EEA1: variants seen among roughly 807,000 people sequenced by gnomAD.
EEA1 encodes the protein early endosome antigen 1.
A neutral mutation model predicts 209.2 loss-of-function variants in EEA1; 111 were observed. That is an observed-to-expected ratio of 0.53 (90% CI 0.45 to 0.62). EEA1 has a LOEUF of 0.62. Among genes scored for constraint, EEA1 ranks in the 20% least tolerant of loss-of-function variants. EEA1 has a pLI of 0.00. For synonymous variants in EEA1, 536 were observed against 540.6 expected (o/e 0.99, Z 0.12); for missense variants, 1,343 against 1,530.8 (o/e 0.88, Z 2.05).
chr12:92,885,253 A>G (rs1309509033), intron 2 of EEA1, among the ~76,000 whole-genome samples: 4 of 152,066 alleles, frequency 2.6e-5, no homozygotes, highest in African/African-American at 9.7e-5. Flanking sequence ...TAAAATATAA[A>G]ATATTATATA....
chr12:92,896,120 C>T lies in EEA1; in HGVS notation c.25-4399G>A, dbSNP rs905401191. Among the ~76,000 whole-genome samples the T allele has an allele frequency of 3.3e-5, 5 of 152,050 alleles. No homozygotes were observed. In the East Asian group the frequency reaches 9.7e-4, roughly 29 times the overall value. On this transcript the variant is annotated intron_variant, in intron 1 of 28. Transcript: ENST00000322349. ...TCCCGAGTAGCTGGGACTACAGGTACGTGCCACCACGCCCAGCTAATTTTT... is the reference window on the plus strand; with the variant it reads ...TCCCGAGTAGCTGGGACTACAGGTATGTGCCACCACGCCCAGCTAATTTTT...
intron 2 of EEA1, among the ~76,000 whole-genome samples, chr12:92,880,668 G>A (rs1444889850): frequency 6.6e-6 from 1 of 152,030 alleles, no homozygotes. Context: ...GTAGAGACGG[G>A]GTTTCACAGT....
At chr12:92,817,633 G>T (rs572493666) in intron 14 of EEA1, among the ~76,000 whole-genome samples, 1 of 151,708 alleles carries the variant, frequency 6.6e-6, no homozygotes, top group Admixed American at 6.6e-5. Flanking sequence ...CTTACTTCAG[G>T]GTCTGTTCCC....
intron 1 of EEA1, among the ~76,000 whole-genome samples, chr12:92,901,253 T>C (rs1183381582): frequency 6.6e-6 from 1 of 152,224 alleles, no homozygotes; most frequent in East Asian, 1.9e-4. Flanking sequence ...GGTCTCTGTA[T>C]GTTGCCTAGG....
chr12:92,882,872 G>A (rs938243055), intron 2 of EEA1, among the ~76,000 whole-genome samples: 2 of 152,156 alleles, frequency 1.3e-5, no homozygotes, highest in Non-Finnish European at 1.5e-5. Context: ...GAATAGTGCT[G>A]TAATGAACAT....
At chr12:92,786,192 C>T (rs1874124765) in intron 22 of EEA1, among the ~76,000 whole-genome samples, 2 of 152,282 alleles carry the variant, frequency 1.3e-5, no homozygotes, top group African/African-American at 2.4e-5. Context: ...ACTGCAAAGT[C>T]TTCTGGTCTT....
At chr12:92,789,603 A>T (rs1592702848) in intron 21 of EEA1, among the ~76,000 whole-genome samples, 1 of 152,150 alleles carries the variant, frequency 6.6e-6, no homozygotes, top group African/African-American at 2.4e-5. Flanking sequence ...TTGAGTAGGT[A>T]AACAAAGTGG....
rs191013750 is a variant in EEA1 at position 92,879,283 on chromosome 12, G to A, written c.117+12346C>T. The A allele has an allele frequency of 9.6e-3, 4,009 of 416,812 alleles. 47 individuals carry two copies. Among genetic ancestry groups the A allele is most frequent in the Non-Finnish European group, 0.014 (2,867 of 211,776 alleles). 25.8% of individuals were successfully genotyped at this position (416,812 alleles called of 1,614,324 possible). On this transcript the variant is annotated intron_variant, in intron 2 of 28. Transcript: ENST00000322349. Reference sequence around the variant, plus strand: ...CCTAATCCAAAAAAATCCAAAATCTGAAATGAACATCATTTCGGCACTCAA... The same window carrying A: ...CCTAATCCAAAAAAATCCAAAATCTAAAATGAACATCATTTCGGCACTCAA...
At chr12:92,837,987 C>T (rs933403624) in intron 10 of EEA1, among the ~76,000 whole-genome samples, 2 of 152,154 alleles carry the variant, frequency 1.3e-5, no homozygotes, top group Non-Finnish European at 2.9e-5. Flanking sequence ...TAAGAAAAGG[C>T]AGATGCAACT....
At chr12:92,914,062 A>G (rs1880676394) in intron 1 of EEA1, among the ~76,000 whole-genome samples, 2 of 152,068 alleles carry the variant, frequency 1.3e-5, no homozygotes, top group South Asian at 2.1e-4. Flanking sequence ...CTAATTTTCT[A>G]TTTATTGAAT....
chr12:92,835,760 CTGTTTAAAATTGCCT>C (rs1469452581), intron 10 of EEA1, among the ~76,000 whole-genome samples: 1 of 152,054 alleles, frequency 6.6e-6, no homozygotes, highest in Non-Finnish European at 1.5e-5. Flanking sequence ...CAACTAGGGA[CTGTTTAAAATTGCCT>C]TGTCCCAAAA....
intron 10 of EEA1, among the ~76,000 whole-genome samples, chr12:92,834,413 T>C (rs1348638264): frequency 6.6e-6 from 1 of 151,714 alleles, no homozygotes; most frequent in Non-Finnish European, 1.5e-5. Context: ...GGCATGGCGG[T>C]ATGCACCTAT....
chr12:92,902,082 A>T (rs1294041066), intron 1 of EEA1, among the ~76,000 whole-genome samples: 1 of 152,164 alleles, frequency 6.6e-6, no homozygotes, highest in Non-Finnish European at 1.5e-5. Context: ...TAATCCCACC[A>T]CTTTGGGAGG....
chr12:92,854,336 G>A (rs1877770887), intron 5 of EEA1, among the ~76,000 whole-genome samples: 1 of 152,138 alleles, frequency 6.6e-6, no homozygotes, highest in Admixed American at 6.5e-5. Context: ...ATGTAGCTTT[G>A]AAATAACTTC....
Position 92,775,827 on chromosome 12 carries a change from C to A in EEA1, c.*184G>T. 1 of 486,660 alleles carries A rather than the reference C, an allele frequency of 2.1e-6. No individual in the cohort carries two copies. The highest frequency in any genetic ancestry group is 3.3e-6 in the Non-Finnish European group (1 of 303,712). The allele number at this position is 486,660 out of a possible 1,614,324, so 30.1% of individuals were successfully genotyped here. On this transcript the variant is annotated 3_prime_UTR_variant, in exon 29 of 29. Transcript: ENST00000322349. Reference sequence around the variant, plus strand: ...GAAAAAAGTAATGAAAGATGATAAGCCCAAGTCTCACAAAAATAGAAGAGT... The same window carrying A: ...GAAAAAAGTAATGAAAGATGATAAGACCAAGTCTCACAAAAATAGAAGAGT...
chr12:92,777,795 C>T (rs536203057), intron 26 of EEA1, 132 bp from the exon 27 acceptor site: 2 of 1,260,734 alleles, frequency 1.6e-6, no homozygotes, highest in South Asian at 3.1e-5. Context: ...GATTGTTTTA[C>T]AGGTTAATTT....
chr12:92,919,539 T>C (rs1188136068), intron 1 of EEA1, among the ~76,000 whole-genome samples: 2 of 149,974 alleles, frequency 1.3e-5, no homozygotes, highest in East Asian at 2.0e-4. Context: ...TTTGACAAAA[T>C]TCAACAACCC....
chr12:92,795,646 T>C (rs1874625595), intron 21 of EEA1, among the ~76,000 whole-genome samples: 1 of 152,192 alleles, frequency 6.6e-6, no homozygotes, highest in South Asian at 2.1e-4. Flanking sequence ...GACAGAATGA[T>C]AGGAATTGGT....
chr12:92,785,352 C>A (rs890755793), intron 22 of EEA1, among the ~76,000 whole-genome samples: 1 of 151,098 alleles, frequency 6.6e-6, no homozygotes, highest in Non-Finnish European at 1.5e-5. Flanking sequence ...ACACTGTTAG[C>A]CCATGCTCTA....
Sources: allele counts gnomAD v4.1 joint callset (sites outside exome capture counted in the v4.1 genomes callset), GRCh38; gene constraint gnomAD v4.1.1; transcripts MANE v1.5; gene names NCBI Gene and HGNC (gene_info 2026-07-23, HGNC 2026-07-21).